The following DOCK2 variants were observed in gnomAD, a reference collection of about 807,000 sequenced individuals.
The protein encoded by DOCK2 is dedicator of cytokinesis 2, also known as dedicator of cytokinesis protein 2.
DOCK2 carries 87 observed loss-of-function variants against 248.9 expected under a neutral mutation model. The observed-to-expected ratio is 0.35, with a 90% CI of 0.29 to 0.42. DOCK2 has a LOEUF of 0.42. Among genes scored for constraint, DOCK2 ranks in the 10% least tolerant of loss-of-function variants. DOCK2 has a pLI of 1.00. For synonymous variants in DOCK2, 805 were observed against 821.6 expected, an observed-to-expected ratio of 0.98 and a Z score of 0.35; for missense variants, 1,747 against 2,300.2, an observed-to-expected ratio of 0.76 and a Z score of 4.92.
intron 27 of DOCK2, among the ~76,000 whole-genome samples, chr5:169,859,931 A>C (rs261033): frequency 0.79 from 117,495 of 149,556 alleles, 46,749 homozygotes; most frequent in African/African-American, 0.89. Flanking sequence ...ACTTAACATT[A>C]ACTGTCGTGG....
chr5:169,915,596 A>G (rs1007205973), intron 27 of DOCK2, among the ~76,000 whole-genome samples: 33 of 151,274 alleles, frequency 2.2e-4, no homozygotes, highest in African/African-American at 8.0e-4. Flanking sequence ...ACACACACAC[A>G]CACACAGAGG....
intron 14 of DOCK2, among the ~76,000 whole-genome samples, chr5:169,703,246 T>C (rs1428951317): frequency 2.6e-5 from 4 of 152,126 alleles, no homozygotes; most frequent in East Asian, 1.9e-4. Context: ...AGAGAGGGGA[T>C]GTGAAGATGG....
At chr5:170,032,896 T>C (rs1219008491) in intron 34 of DOCK2, among the ~76,000 whole-genome samples, 2 of 152,096 alleles carry the variant, frequency 1.3e-5, no homozygotes, top group Non-Finnish European at 2.9e-5. Context: ...AGTAGACAGA[T>C]ACAAATCACG....
chr5:170,038,424 G>A (rs1756395527), intron 36 of DOCK2, among the ~76,000 whole-genome samples: 1 of 152,186 alleles, frequency 6.6e-6, no homozygotes, highest in Admixed American at 6.5e-5. Flanking sequence ...CTGTTTGGCA[G>A]GCAGAATATT....
chr5:169,725,480 CTTT>C (rs1762419031), intron 22 of DOCK2, among the ~76,000 whole-genome samples: 1 of 147,322 alleles, frequency 6.8e-6, no homozygotes, highest in African/African-American at 2.4e-5. Flanking sequence ...GCTGTTTTTT[CTTT>C]TTATTTATTT....
intron 23 of DOCK2, 130 bp downstream of exon 23, chr5:169,747,634 G>T: frequency 1.4e-6 from 1 of 703,462 alleles, no homozygotes; most frequent in Non-Finnish European, 2.2e-6. Flanking sequence ...TGGCCACTAG[G>T]TTAAAGACCA....
In DOCK2 at chr5:169,984,684, A is replaced by T. The variant is rs1778022822; in HGVS notation, c.2899-1144A>T. Among the ~76,000 whole-genome samples, 2 of 152,196 alleles carry T rather than the reference A, an allele frequency of 1.3e-5. 1 individual carries two copies. Among genetic ancestry groups the T allele is most frequent in the South Asian group, 4.1e-4 (2 of 4,824 alleles). ...GCGCACACACACACACAATTCCACC[A>T]GAGCTGTTCTACCTTTATATATTTT... On this transcript the variant is annotated intron_variant, in intron 28 of 51. Transcript: ENST00000520908.
At chr5:170,019,810 G>T (rs1399785101) in intron 33 of DOCK2, among the ~76,000 whole-genome samples, 2 of 152,122 alleles carry the variant, frequency 1.3e-5, no homozygotes, top group Non-Finnish European at 2.9e-5. Flanking sequence ...CCCTGTTTAG[G>T]AAGGTTGGTC....
chr5:169,639,931 G>C (rs111465064), intron 1 of DOCK2, among the ~76,000 whole-genome samples: 1 of 152,186 alleles, frequency 6.6e-6, no homozygotes, highest in African/African-American at 2.4e-5. Context: ...CACAGTTCTC[G>C]AGGCTGGAAG....
intron 1 of DOCK2, among the ~76,000 whole-genome samples, chr5:169,640,020 C>T (rs1392951486): frequency 6.6e-6 from 1 of 152,214 alleles, no homozygotes; most frequent in Non-Finnish European, 1.5e-5. Flanking sequence ...CTTGCTGCCT[C>T]TTCATTGCTT....
chr5:169,936,253 C>T (rs1485199354), intron 27 of DOCK2, among the ~76,000 whole-genome samples: 6 of 152,212 alleles, frequency 3.9e-5, no homozygotes, highest in Admixed American at 3.9e-4. Context: ...GTGCATGGTT[C>T]TACAGACAAG....
Position 170,027,870 on chromosome 5 carries a change from A to C in DOCK2, c.3389A>C (p.Asn1130Thr). The C allele has an allele frequency of 6.2e-7, 1 of 1,612,376 alleles. No individual in the cohort carries two copies. Among genetic ancestry groups the C allele is most frequent in the Admixed American group, 1.7e-5 (1 of 59,810 alleles). Reference protein sequence around the residue: ...QRSGDFKKFENEIILKLDHEV... With the variant: ...QRSGDFKKFETEIILKLDHEV... ...TGTCTCCTACATCTTCAGTTTGAAA[A>C]CGAAATCATCCTGAAGCTGGACCAC... Residue 1130 changes from asparagine (N) to threonine (T), a missense_variant, in exon 34 of 52, where the codon AAC becomes ACC. Coordinates refer to ENST00000520908, the MANE Select transcript of DOCK2 (RefSeq NM_004946.3).
chr5:169,974,587 T>G (rs1192493384), intron 27 of DOCK2, among the ~76,000 whole-genome samples: 1 of 152,192 alleles, frequency 6.6e-6, no homozygotes, highest in African/African-American at 2.4e-5. Flanking sequence ...TTACCCTGGA[T>G]GCACATGTTT....
chr5:170,042,219 G>A, intron 38 of DOCK2, 87 bp downstream of exon 38: 1 of 1,433,844 alleles, frequency 7.0e-7, no homozygotes, highest in Non-Finnish European at 9.3e-7. Context: ...TCCATCCTCA[G>A]CTCTGTCAGA....
chr5:169,669,392 T>C (rs1581005169), intron 3 of DOCK2, 64 bp downstream of exon 3: 5 of 1,562,088 alleles, frequency 3.2e-6, no homozygotes, highest in Middle Eastern at 1.7e-4. Flanking sequence ...CGCTATCCCA[T>C]CTGAGCAGGT....
At chr5:169,945,603 T>G (rs1776416043) in intron 27 of DOCK2, among the ~76,000 whole-genome samples, 1 of 152,224 alleles carries the variant, frequency 6.6e-6, no homozygotes, top group South Asian at 2.1e-4. Context: ...GTGAAGTCTG[T>G]TGCCCAGAGC....
chr5:169,654,626 A>G (rs1307656198), intron 2 of DOCK2, 140 bp downstream of exon 2: 14 of 769,206 alleles, frequency 1.8e-5, no homozygotes, highest in Non-Finnish European at 2.9e-5. Context: ...AGTAATTAGA[A>G]TTTACTAAAC....
intron 27 of DOCK2, among the ~76,000 whole-genome samples, chr5:169,937,988 A>G (rs781616174): frequency 6.6e-6 from 1 of 152,212 alleles, no homozygotes; most frequent in Non-Finnish European, 1.5e-5. Context: ...GGCCAGACAG[A>G]TAGTGAAAAC....
At chr5:169,914,537 T>A (rs1274774371) in intron 27 of DOCK2, among the ~76,000 whole-genome samples, 1 of 152,242 alleles carries the variant, frequency 6.6e-6, no homozygotes, top group Admixed American at 6.5e-5. Context: ...ATCAGAATGT[T>A]AAAACTGGCA....
Sources: allele counts gnomAD v4.1 joint callset (sites outside exome capture counted in the v4.1 genomes callset), GRCh38; gene constraint gnomAD v4.1.1; transcripts MANE v1.5; gene names NCBI Gene and HGNC (gene_info 2026-07-23, HGNC 2026-07-21).